The following CNTN4 variants were observed in gnomAD, a reference collection of about 807,000 sequenced individuals.
The protein encoded by CNTN4 is contactin-4.
Under a neutral mutation model 122.5 loss-of-function variants are expected in CNTN4, and 77 were observed. That is an observed-to-expected ratio of 0.63 (90% CI 0.52 to 0.76). The LOEUF (loss-of-function observed/expected upper bound fraction) is 0.76, where lower values mean the gene tolerates loss of function less well. CNTN4 is among the 30% of genes least tolerant of loss of function. The pLI, the probability that CNTN4 is intolerant of heterozygous loss-of-function variation, is 0.00. For synonymous variants in CNTN4, 512 were observed against 447.0 expected (o/e 1.15, Z -1.83); for missense variants, 1,256 against 1,259.1 (o/e 1.00, Z 0.04).
chr3:2,112,544 A>T (rs1423547692), intron 2 of CNTN4, among the ~76,000 whole-genome samples: 1 of 152,158 alleles, frequency 6.6e-6, no homozygotes, highest in Admixed American at 6.5e-5. Context: ...CCTTTCAAGA[A>T]TGAAACATTG....
chr3:3,041,237 T>C (rs1173479942), intron 20 of CNTN4: 1 of 152,276 alleles, frequency 6.6e-6, no homozygotes, highest in African/African-American at 2.4e-5. Flanking sequence ...TTAGACTCAG[T>C]AGCCCTCCAT....
Position 2,841,150 on chromosome 3 carries a change from C to A in CNTN4, c.454+21569C>A, listed in dbSNP as rs35501368. 6.6e-6 allele frequency among the ~76,000 whole-genome samples: 1 copy of A among 152,062 alleles called. No homozygotes were observed. Among genetic ancestry groups the A allele is most frequent in the Non-Finnish European group, 1.5e-5 (1 of 68,002 alleles). On this transcript the variant is annotated intron_variant, in intron 7 of 24. Coordinates refer to ENST00000418658, the MANE Select transcript of CNTN4 (RefSeq NM_175607.3). This position sits in a 1 kb window ranked among gnomAD's most constrained non-coding sequence, Gnocchi z 4.8. ...AAGATAATCTGAGGGTTAATGCTAA[C>A]TCTCATAGAATTTAAGTCAAAATAT...
At chr3:2,381,028 C>T (rs1575505443) in intron 3 of CNTN4, among the ~76,000 whole-genome samples, 1 of 150,280 alleles carries the variant, frequency 6.7e-6, no homozygotes, top group Admixed American at 6.6e-5. Flanking sequence ...TTTTTGGAGA[C>T]AGAGTCTTGG....
intron 6 of CNTN4, among the ~76,000 whole-genome samples, chr3:2,747,234 C>A (rs905404851): frequency 1.3e-5 from 2 of 151,724 alleles, no homozygotes; most frequent in Admixed American, 1.3e-4. Flanking sequence ...ACGATGAAAC[C>A]GCGTCTCTAC....
chr3:2,291,914 T>C (rs754587874), intron 2 of CNTN4, among the ~76,000 whole-genome samples: 28 of 152,046 alleles, frequency 1.8e-4, no homozygotes, highest in Non-Finnish European at 3.2e-4. Flanking sequence ...TTTTGTGTTA[T>C]TAGTGGAGAT....
chr3:2,172,935 A>G (rs1027769699), intron 2 of CNTN4, among the ~76,000 whole-genome samples: 1 of 152,176 alleles, frequency 6.6e-6, no homozygotes, highest in African/African-American at 2.4e-5. Flanking sequence ...AAAGGCAAAG[A>G]TGATTGACGT....
Position 2,920,419 on chromosome 3 carries a change from A to G in CNTN4, c.1208-5210A>G, listed in dbSNP as rs114712717. Among the ~76,000 whole-genome samples the G allele has an allele frequency of 3.9e-3, 590 of 151,422 alleles. 4 individuals carry two copies. Among genetic ancestry groups the G allele is most frequent in the African/African-American group, 0.014 (566 of 41,176 alleles). The stretch of plus-strand genomic sequence containing the variant: ...CTTTTGCCCAGTCTACATGTGTGAT[A>G]CATACACATTATACCAAGTATCAGT... On this transcript the variant is annotated intron_variant, in intron 12 of 24. Coordinates refer to ENST00000418658, the MANE Select transcript of CNTN4 (RefSeq NM_175607.3).
At chr3:2,281,549 C>A (rs983344751) in intron 2 of CNTN4, among the ~76,000 whole-genome samples, 2 of 152,048 alleles carry the variant, frequency 1.3e-5, no homozygotes, top group African/African-American at 4.8e-5. Flanking sequence ...AGGAATACAG[C>A]AATTTCAGAG....
chr3:2,809,908 A>C (rs1040375185), intron 6 of CNTN4, among the ~76,000 whole-genome samples: 7 of 152,210 alleles, frequency 4.6e-5, no homozygotes, highest in Admixed American at 4.6e-4. Flanking sequence ...GAAATGAGGA[A>C]AAGGAAAGAA....
intron 2 of CNTN4, among the ~76,000 whole-genome samples, chr3:2,229,557 T>G (rs1380620118): frequency 6.6e-6 from 1 of 152,182 alleles, no homozygotes; most frequent in Non-Finnish European, 1.5e-5. Context: ...TGAAAATATC[T>G]AATCTAAGAC....
intron 2 of CNTN4, among the ~76,000 whole-genome samples, chr3:2,258,109 A>T (rs191231678): frequency 3.3e-5 from 5 of 152,248 alleles, no homozygotes; most frequent in East Asian, 3.9e-4. Flanking sequence ...GCTGGAGAGG[A>T]TGTGGAGAAA....
intron 4 of CNTN4, among the ~76,000 whole-genome samples, chr3:2,726,555 C>A (rs998561877): frequency 6.6e-6 from 1 of 152,114 alleles, no homozygotes; most frequent in African/African-American, 2.4e-5. Context: ...TAGGGAAGCA[C>A]CATTGAGTGA....
chr3:2,988,774 C>G, intron 14 of CNTN4: 1 of 339,696 alleles, frequency 2.9e-6, no homozygotes, highest in Admixed American at 4.2e-5. Context: ...TCTTTCAAGT[C>G]TCTATAGATT....
At chr3:2,815,667 C>G (rs2092709483) in intron 6 of CNTN4, among the ~76,000 whole-genome samples, 1 of 152,106 alleles carries the variant, frequency 6.6e-6, no homozygotes, top group Non-Finnish European at 1.5e-5. Context: ...CTATGGAAAA[C>G]AGTGTGGATA....
At chr3:2,337,320 G>A (rs1344746889) in intron 2 of CNTN4, among the ~76,000 whole-genome samples, 2 of 152,088 alleles carry the variant, frequency 1.3e-5, no homozygotes, top group East Asian at 1.9e-4. Flanking sequence ...AAGTATTTGG[G>A]AACATATGTT....
chr3:2,369,121 A>T (rs1367882365), intron 3 of CNTN4, among the ~76,000 whole-genome samples: 1 of 151,918 alleles, frequency 6.6e-6, no homozygotes, highest in Non-Finnish European at 1.5e-5. Flanking sequence ...GACACAGTTT[A>T]ACCATGTTGG....
chr3:2,541,731 A>G lies in CNTN4; in HGVS notation c.-88-29685A>G, dbSNP rs1453357110. Among the ~76,000 whole-genome samples, 35 of 152,166 alleles carry G rather than the reference A, an allele frequency of 2.3e-4. 1 individual carries two copies. The highest frequency in any genetic ancestry group is 2.3e-3 in the Admixed American group (35 of 15,254). ...AGTAGCATCTACCAGAGTATATGTC[A>G]GATTGTTCTCAGACCGCCAAGGGCA... is the stretch of plus-strand genomic sequence containing the variant. On this transcript the variant is annotated intron_variant, in intron 3 of 24. Transcript: ENST00000418658.
chr3:2,385,345 T>C lies in CNTN4; in HGVS notation c.-89+46112T>C, dbSNP rs148475083. Reference sequence around the variant, plus strand: ...TTTATAGTTTTGTTTATATTACTCTTGTTGCACTGAATAACCTATTAGCAT... The same window carrying C: ...TTTATAGTTTTGTTTATATTACTCTCGTTGCACTGAATAACCTATTAGCAT... On this transcript the variant is annotated intron_variant, in intron 3 of 24. Coordinates refer to ENST00000418658, the MANE Select transcript of CNTN4 (RefSeq NM_175607.3). The surrounding 1 kb of genome is among the most constrained non-coding windows in gnomAD (Gnocchi z 4.0). Among the ~76,000 whole-genome samples the C allele has an allele frequency of 6.6e-6, 1 of 152,128 alleles. No homozygotes were observed. Among genetic ancestry groups the C allele is most frequent in the African/African-American group, 2.4e-5 (1 of 41,466 alleles).
At chr3:2,105,362 A>G (rs960507648) in intron 2 of CNTN4, among the ~76,000 whole-genome samples, 1 of 152,170 alleles carries the variant, frequency 6.6e-6, no homozygotes, top group African/African-American at 2.4e-5. Flanking sequence ...TTAACCTGGT[A>G]TATTAGTCTA....
Sources: gnomAD v4.1 joint callset for allele counts (sites outside exome capture counted in the v4.1 genomes callset) on GRCh38, gnomAD v4.1.1 for gene constraint, Gnocchi (gnomAD v3.1) non-coding constraint, MANE v1.5 for transcripts, NCBI Gene and HGNC (gene_info 2026-07-23, HGNC 2026-07-21) for gene names.